MYRIP: variants seen among roughly 807,000 people sequenced by gnomAD.
MYRIP encodes rab effector MyRIP.
MYRIP carries 49 observed loss-of-function variants against 98.0 expected under a neutral mutation model. That is an observed-to-expected ratio of 0.50 (90% CI 0.40 to 0.63). The LOEUF is 0.63. MYRIP is among the 30% of genes least tolerant of loss of function. The probability of loss-of-function intolerance (pLI) is 0.00; values close to 1 mark genes in which losing one functional copy is unlikely to be tolerated. For missense variants in MYRIP, 1,004 were observed against 1,058.2 expected (o/e 0.95, Z 0.71); for synonymous variants, 404 against 409.5 (o/e 0.99, Z 0.16).
chr3:40,167,366 A>G, intron 7 of MYRIP, 127 bp downstream of exon 7: 1 of 869,678 alleles, frequency 1.1e-6, no homozygotes, highest in Non-Finnish European at 1.8e-6. Context: ...TTCTCACTTT[A>G]GACTTTTGTG....
chr3:39,997,999 A>C (rs1946412252), intron 2 of MYRIP, among the ~76,000 whole-genome samples: 1 of 152,100 alleles, frequency 6.6e-6, no homozygotes, highest in Non-Finnish European at 1.5e-5. Context: ...CATGCTAAAA[A>C]CTCTCAGTAA....
rs1947990620 is a variant in MYRIP at position 40,060,603 on chromosome 3, G to GAGAGAGAGAGAGAGAGAGAGAGAGAGAC, written c.332+16347_332+16348insGAGAGAGAGAGACAGAGAGAGAGAGAGA. On this transcript the variant is annotated intron_variant, in intron 3 of 16. Coordinates refer to ENST00000302541, the MANE Select transcript of MYRIP (RefSeq NM_015460.4). The stretch of plus-strand genomic sequence containing the variant: ...TCTTTTTTTTTCTTTTTTTGAGAGA[G>GAGAGAGAGAGAGAGAGAGAGAGAGAGAC]AGAGAGAGAGAGAGATTCGCTCTTG... 2.0e-5 allele frequency among the ~76,000 whole-genome samples: 3 copies of GAGAGAGAGAGAGAGAGAGAGAGAGAGAC among 151,484 alleles called. No individual in the cohort carries two copies. The East Asian group carries it at 5.9e-4, about 30-fold the overall frequency.
At chr3:40,217,703 A>G (rs1481029306) in intron 11 of MYRIP, among the ~76,000 whole-genome samples, 1 of 152,194 alleles carries the variant, frequency 6.6e-6, no homozygotes, top group Non-Finnish European at 1.5e-5. Flanking sequence ...GCATAAAAAA[A>G]TGAAATTGAT....
chr3:40,184,602 CA>C (rs1950977821), intron 9 of MYRIP, among the ~76,000 whole-genome samples: 1 of 152,060 alleles, frequency 6.6e-6, no homozygotes, highest in Non-Finnish European at 1.5e-5. Context: ...TAAAAACAAA[CA>C]AACAAAAAAC....
chr3:40,050,709 C>A (rs1036130946), intron 3 of MYRIP, among the ~76,000 whole-genome samples: 6 of 152,094 alleles, frequency 3.9e-5, no homozygotes, highest in Non-Finnish European at 7.4e-5. Context: ...AAATTGAAAA[C>A]AAACCTTTTG....
intron 11 of MYRIP, among the ~76,000 whole-genome samples, chr3:40,224,879 T>C (rs1293074436): frequency 6.6e-6 from 1 of 152,234 alleles, no homozygotes; most frequent in East Asian, 1.9e-4. Flanking sequence ...CCCTCTTGCA[T>C]CAAGTCACTC....
chr3:40,230,150 A>C (rs1248144241), intron 11 of MYRIP, among the ~76,000 whole-genome samples: 1 of 151,942 alleles, frequency 6.6e-6, no homozygotes, highest in African/African-American at 2.4e-5. Context: ...CCATGCTTTC[A>C]CTTCTCCCTC....
chr3:39,820,415 A>G (rs911681690), intron 1 of MYRIP, among the ~76,000 whole-genome samples: 1 of 151,970 alleles, frequency 6.6e-6, no homozygotes, highest in African/African-American at 2.4e-5. Flanking sequence ...AGATCCCAGT[A>G]TGTGTAAGCA....
At chr3:39,951,483 A>G (rs12633941) in intron 2 of MYRIP, among the ~76,000 whole-genome samples, 28,894 of 152,058 alleles carry the variant, frequency 0.19, 3,996 homozygotes, top group African/African-American at 0.39. Context: ...AGTAAATACC[A>G]TAGACATTGC....
intron 2 of MYRIP, among the ~76,000 whole-genome samples, chr3:39,939,330 C>A (rs1315118995): frequency 2.0e-5 from 3 of 152,078 alleles, no homozygotes; most frequent in Non-Finnish European, 4.4e-5. Context: ...CCAGAGAGGG[C>A]AACACTCTAG....
At chr3:39,866,131 T>C (rs2125624245) in intron 1 of MYRIP, among the ~76,000 whole-genome samples, 1 of 151,902 alleles carries the variant, frequency 6.6e-6, no homozygotes, top group South Asian at 2.1e-4. Context: ...ATTGAGTACA[T>C]ATGGACACAA....
chr3:39,943,305 G>A (rs1944831056), intron 2 of MYRIP, among the ~76,000 whole-genome samples: 1 of 152,116 alleles, frequency 6.6e-6, no homozygotes. Flanking sequence ...TATTATTAAA[G>A]TTTTATGATG....
At position 40,258,116 on chromosome 3, in the gene MYRIP, T is replaced by C; in HGVS notation, c.2548-18T>C. The C allele has an allele frequency of 6.2e-7, 1 of 1,614,160 alleles. No homozygotes were observed. Among genetic ancestry groups the C allele is most frequent in the Non-Finnish European group, 8.5e-7 (1 of 1,179,984 alleles). Reference sequence around the variant, plus strand: ...TTCCCAAGTGGCTGATGGGAGTGTGTTCAATGTCTCACCTCAGGAGCCTGC... The same window carrying C: ...TTCCCAAGTGGCTGATGGGAGTGTGCTCAATGTCTCACCTCAGGAGCCTGC... On this transcript the variant is annotated intron_variant, in intron 16 of 16. Coordinates refer to ENST00000302541, the MANE Select transcript of MYRIP (RefSeq NM_015460.4).
At chr3:40,196,398 C>G (rs1951396054) in intron 10 of MYRIP, among the ~76,000 whole-genome samples, 1 of 152,132 alleles carries the variant, frequency 6.6e-6, no homozygotes, top group African/African-American at 2.4e-5. Flanking sequence ...ACCCCACTAG[C>G]CTTGATATGC....
At chr3:40,163,372 T>C (rs1950436722) in intron 5 of MYRIP, among the ~76,000 whole-genome samples, 1 of 152,222 alleles carries the variant, frequency 6.6e-6, no homozygotes, top group Non-Finnish European at 1.5e-5. Context: ...TGATAGTTAA[T>C]TTTATGTGTC....
intron 2 of MYRIP, among the ~76,000 whole-genome samples, chr3:39,996,622 A>G (rs1946365286): frequency 6.6e-6 from 1 of 152,188 alleles, no homozygotes. Context: ...TAGACAGATC[A>G]ACGAGACAGA....
rs1434819009 is a variant in MYRIP at position 39,945,490 on chromosome 3, A to AG, written c.110+44564_110+44565insG. On this transcript the variant is annotated intron_variant, in intron 2 of 16. Coordinates refer to ENST00000302541, the MANE Select transcript of MYRIP (RefSeq NM_015460.4). ...AGACTCCATCTCAAAAAAAAAAAAA[A>AG]AGAAAAAAGAAAAAAAAAGAATGTA... Among the ~76,000 whole-genome samples, 20 of 131,334 alleles carry AG rather than the reference A, an allele frequency of 1.5e-4. 1 individual carries two copies. The East Asian group carries it at 3.6e-3, about 24-fold the overall frequency. 86.2% of individuals were successfully genotyped at this position (131,334 alleles called of 152,430 possible).
At chr3:40,088,023 C>A (rs1948663436) in intron 3 of MYRIP, among the ~76,000 whole-genome samples, 2 of 152,150 alleles carry the variant, frequency 1.3e-5, no homozygotes, top group African/African-American at 4.8e-5. Context: ...AGGAGGCTGG[C>A]AGAAGTGCCA....
chr3:40,030,942 A>G (rs756444158), intron 2 of MYRIP, among the ~76,000 whole-genome samples: 6 of 152,124 alleles, frequency 3.9e-5, no homozygotes, highest in Non-Finnish European at 7.3e-5. Context: ...TGAATTGTAT[A>G]TACTTAAGAG....
Sources: allele counts gnomAD v4.1 joint callset (sites outside exome capture counted in the v4.1 genomes callset), GRCh38; gene constraint gnomAD v4.1.1; transcripts MANE v1.5; gene names NCBI Gene and HGNC (gene_info 2026-07-23, HGNC 2026-07-21).